MSI2: variants seen among roughly 807,000 people sequenced by gnomAD.
MSI2 encodes musashi RNA binding protein 2, also known as RNA-binding protein Musashi homolog 2.
A neutral mutation model predicts 45.6 loss-of-function variants in MSI2; 17 were observed. The ratio of observed to expected loss-of-function variants is 0.37; its 90% CI spans 0.26 to 0.56. MSI2 has a LOEUF of 0.56. Ranked by LOEUF, MSI2 falls within the 20% of genes least tolerant of loss-of-function variation. The pLI is 0.77. For synonymous variants in MSI2, 156 were observed against 158.2 expected (o/e 0.99, Z 0.11); for missense variants, 293 against 444.2 (o/e 0.66, Z 3.06).
At chr17:57,443,704 G>C (rs951430768) in intron 6 of MSI2, among the ~76,000 whole-genome samples, 2 of 152,270 alleles carry the variant, frequency 1.3e-5, no homozygotes, top group African/African-American at 2.4e-5. Context: ...TTGTCAGGGG[G>C]TCAGCCTGAA....
chr17:57,399,536 C>G (rs978337845), intron 5 of MSI2, among the ~76,000 whole-genome samples: 1 of 150,036 alleles, frequency 6.7e-6, no homozygotes, highest in Admixed American at 6.7e-5. Context: ...AACCAGCAGG[C>G]TATGGTGGCA....
intron 9 of MSI2, among the ~76,000 whole-genome samples, chr17:57,624,289 GC>G (rs1169255725): frequency 1.3e-5 from 2 of 152,150 alleles, no homozygotes; most frequent in African/African-American, 4.8e-5. Context: ...CATCTGGAAA[GC>G]CCCTAGGCAG....
At chr17:57,299,365 G>T (rs9906127) in intron 5 of MSI2, among the ~76,000 whole-genome samples, 146,031 of 152,382 alleles carry the variant, frequency 0.96, 69,989 homozygotes, top group Middle Eastern at 0.98. Context: ...CAGCCTGTCT[G>T]GGCTTTTGAA....
chr17:57,505,429 G>A (rs929568766), intron 6 of MSI2, among the ~76,000 whole-genome samples: 1 of 152,152 alleles, frequency 6.6e-6, no homozygotes, highest in Admixed American at 6.5e-5. Flanking sequence ...ATAAGGGAAG[G>A]TTGGGAGTTT....
intron 6 of MSI2, among the ~76,000 whole-genome samples, chr17:57,487,849 C>T (rs2143787411): frequency 6.6e-6 from 1 of 151,928 alleles, no homozygotes; most frequent in East Asian, 1.9e-4. Flanking sequence ...CTCCCTCCCT[C>T]CCCTACCCGG....
chr17:57,532,350 TC>T (rs2086838931), intron 7 of MSI2: 1 of 152,126 alleles, frequency 6.6e-6, no homozygotes, highest in Admixed American at 6.5e-5. Context: ...CCCACTGCCC[TC>T]CCTCTCATCC....
intron 5 of MSI2, among the ~76,000 whole-genome samples, chr17:57,284,728 A>AC (rs968485486): frequency 5.3e-5 from 8 of 152,136 alleles, no homozygotes; most frequent in African/African-American, 1.9e-4. Flanking sequence ...TTTTGGGGTC[A>AC]CCATGGAGAT....
intron 7 of MSI2, among the ~76,000 whole-genome samples, chr17:57,576,510 C>A (rs780717494): frequency 6.6e-6 from 1 of 152,156 alleles, no homozygotes; most frequent in Non-Finnish European, 1.5e-5. Context: ...AATCCCAGCA[C>A]TTTGGGAGGC....
intron 5 of MSI2, among the ~76,000 whole-genome samples, chr17:57,291,244 T>C (rs1032777017): frequency 2.0e-5 from 3 of 152,228 alleles, no homozygotes; most frequent in African/African-American, 7.2e-5. Flanking sequence ...AAGGAGCAGA[T>C]TGCCAAGATT....
intron 5 of MSI2, among the ~76,000 whole-genome samples, chr17:57,370,163 G>A (rs1010922436): frequency 6.6e-6 from 1 of 152,222 alleles, no homozygotes; most frequent in African/African-American, 2.4e-5. Flanking sequence ...AGCCGTGAAA[G>A]CTGAGGTTAG....
Position 57,342,192 on chromosome 17 carries a change from TG to T in MSI2, c.313-59185del, listed in dbSNP as rs1233740361. ...TGGTTGTGATGCTTTTTGAGCTAAT[TG>T]GTTTGAAAATTATATTTGATACAGA... On this transcript the variant is annotated intron_variant, in intron 5 of 13. Coordinates refer to ENST00000284073, the MANE Select transcript of MSI2 (RefSeq NM_138962.4). Among the ~76,000 whole-genome samples, 83 of 152,304 alleles carry T rather than the reference TG, an allele frequency of 5.4e-4. No homozygotes were observed. The Middle Eastern group carries it at 0.017, about 31-fold the overall frequency.
At chr17:57,631,764 A>C in intron 10 of MSI2, 1 of 1,586,984 alleles carries the variant, frequency 6.3e-7, no homozygotes, top group Non-Finnish European at 8.6e-7. Flanking sequence ...TTAATCTGTT[A>C]ATTTCTGTTC....
At chr17:57,299,717 A>T (rs1196586926) in intron 5 of MSI2, among the ~76,000 whole-genome samples, 1 of 152,206 alleles carries the variant, frequency 6.6e-6, no homozygotes, top group Non-Finnish European at 1.5e-5. Context: ...ATATTATTAT[A>T]ATAATAATGA....
At chr17:57,452,182 G>A (rs1260538139) in intron 6 of MSI2, among the ~76,000 whole-genome samples, 1 of 152,210 alleles carries the variant, frequency 6.6e-6, no homozygotes, top group African/African-American at 2.4e-5. Context: ...GGGAAATGGA[G>A]GTTCACCCAG....
intron 7 of MSI2, among the ~76,000 whole-genome samples, chr17:57,530,547 G>T (rs2086800517): frequency 6.6e-6 from 1 of 152,172 alleles, no homozygotes; most frequent in African/African-American, 2.4e-5. Flanking sequence ...CGGAAGCTCA[G>T]GTTTCTGGGG....
rs2086778088 is a variant in MSI2, at chr17:57,529,558, A to G, written c.406-118A>G. On this transcript the variant is annotated intron_variant, in intron 6 of 13. Transcript: ENST00000284073. This position sits in a 1 kb window ranked among gnomAD's most constrained non-coding sequence, Gnocchi z 5.3. ...TTTTTGCATTTTCAAATATTTTTTG[A>G]TAAGCAACTATTACTTCTGTAATGG... The G allele has an allele frequency of 2.3e-6, 2 of 852,548 alleles. No individual in the cohort carries two copies. Among genetic ancestry groups the G allele is most frequent in the Non-Finnish European group, 3.7e-6 (2 of 535,820 alleles). The allele number at this position is 852,548 out of a possible 1,614,324, so 52.8% of individuals were successfully genotyped here. A position where few individuals can be genotyped will look rare whatever the true frequency, so the allele number is the denominator to read the frequency against.
the MSI2 span, among the ~76,000 whole-genome samples, chr17:57,695,444 C>T: frequency 2.0e-5 from 3 of 152,160 alleles, no homozygotes; most frequent in African/African-American, 7.2e-5. Context: ...TGCGGTCACC[C>T]AGGACTTACT....
chr17:57,286,314 A>T (rs964288238), intron 5 of MSI2, among the ~76,000 whole-genome samples: 2 of 151,786 alleles, frequency 1.3e-5, no homozygotes, highest in South Asian at 4.2e-4. Flanking sequence ...GTGATTTTTA[A>T]AAAAATGTTT....
At chr17:57,295,870 G>A (rs572827687) in intron 5 of MSI2, among the ~76,000 whole-genome samples, 2 of 152,226 alleles carry the variant, frequency 1.3e-5, no homozygotes, top group South Asian at 2.1e-4. Flanking sequence ...ATCTTTGCTT[G>A]GGGGAGAGGA....
Sources: gnomAD v4.1 joint callset for allele counts (sites outside exome capture counted in the v4.1 genomes callset) on GRCh38, gnomAD v4.1.1 for gene constraint, Gnocchi (gnomAD v3.1) non-coding constraint, MANE v1.5 for transcripts, NCBI Gene and HGNC (gene_info 2026-07-23, HGNC 2026-07-21) for gene names.